Variants in UXS1 observed in about 807,000 individuals in gnomAD.
UXS1 encodes UDP-glucuronate decarboxylase 1.
A neutral mutation model predicts 62.6 loss-of-function variants in UXS1; 33 were observed. The ratio of observed to expected loss-of-function variants is 0.53; its 90% CI spans 0.40 to 0.70. The LOEUF (loss-of-function observed/expected upper bound fraction) is 0.70, where lower values mean the gene tolerates loss of function less well. Among genes scored for constraint, UXS1 ranks in the 30% least tolerant of loss-of-function variants. UXS1 has a pLI of 0.00. For synonymous variants in UXS1, 213 were observed against 206.8 expected, an observed-to-expected ratio of 1.03 and a Z score of -0.26; for missense variants, 434 against 556.3, an observed-to-expected ratio of 0.78 and a Z score of 2.21.
intron 7 of UXS1, among the ~76,000 whole-genome samples, chr2:106,127,894 C>T (rs974435312): frequency 6.6e-6 from 1 of 152,310 alleles, no homozygotes; most frequent in South Asian, 2.1e-4. Context: ...TTAACTCTAA[C>T]AGCACTTTGC....
At chr2:106,152,142 T>C (rs576121300) in intron 5 of UXS1, among the ~76,000 whole-genome samples, 7 of 152,310 alleles carry the variant, frequency 4.6e-5, no homozygotes, top group African/African-American at 1.7e-4. Context: ...TAAAAGTCTC[T>C]GGAAATTGTG....
At chr2:106,173,415 A>G (rs1026806657) in intron 1 of UXS1, among the ~76,000 whole-genome samples, 46 of 152,176 alleles carry the variant, frequency 3.0e-4, no homozygotes, top group African/African-American at 1.0e-3. Flanking sequence ...TTAGCTGGGC[A>G]TGGTGGCACA....
intron 6 of UXS1, among the ~76,000 whole-genome samples, chr2:106,140,277 T>C (rs376220823): frequency 1.0e-3 from 153 of 152,290 alleles, no homozygotes; most frequent in Admixed American, 2.5e-3. Flanking sequence ...GAAAGAATTT[T>C]CAGTGTCCTA....
rs1679632113 is a variant in UXS1, at chr2:106,122,874, A to G, written c.759+96T>C. 14 of 1,508,986 alleles carry G rather than the reference A, an allele frequency of 9.3e-6. 1 individual carries two copies. The South Asian group carries it at 1.8e-4, about 20-fold the overall frequency. The allele number at this position is 1,508,986 out of a possible 1,614,324, so 93.5% of individuals were successfully genotyped here. Reference sequence around the variant, plus strand: ...CTTCCCAAACACCTATCCCCAGACAAAATCAGTCATGGCATTCATTCCTTT... The same window carrying G: ...CTTCCCAAACACCTATCCCCAGACAGAATCAGTCATGGCATTCATTCCTTT... On this transcript the variant is annotated intron_variant, in intron 9 of 14. Coordinates refer to ENST00000283148, the MANE Select transcript of UXS1 (RefSeq NM_001253875.2).
chr2:106,193,984 G>A (rs897596501), intron 1 of UXS1, among the ~76,000 whole-genome samples, 164 bp downstream of exon 1: 10 of 151,936 alleles, frequency 6.6e-5, no homozygotes, highest in African/African-American at 2.4e-4. Context: ...CCGCTTTGCT[G>A]CAAGAGTGGA....
rs138705591 is a variant in UXS1, at chr2:106,162,839, G to A, written c.230+828C>T. On this transcript the variant is annotated intron_variant, in intron 4 of 14. Transcript: ENST00000283148. ...CTCTTCTCCAGTCGTATTTCCCTTC[G>A]ATCATTTAATGAAAATCAAAGGAAA... 6.3e-3 allele frequency among the ~76,000 whole-genome samples: 952 copies of A among 152,194 alleles called. 11 individuals are homozygous for A. Among genetic ancestry groups the A allele is most frequent in the African/African-American group, 0.021 (875 of 41,514 alleles).
chr2:106,194,083 G>A lies in UXS1; in HGVS notation c.94+65C>T, dbSNP rs1573611771. On this transcript the variant is annotated intron_variant, in intron 1 of 14. Transcript: ENST00000283148. The stretch of plus-strand genomic sequence containing the variant: ...CGCCTCGGGGCCCCGAACCACCGCC[G>A]CCCGGCCCACCGCGGCGCCGGGGAA... The A allele has an allele frequency of 5.3e-6, 7 of 1,311,138 alleles. No homozygotes were observed. In the East Asian group the frequency reaches 1.8e-4, roughly 34 times the overall value. The allele number at this position is 1,311,138 out of a possible 1,614,324, so 81.2% of individuals were successfully genotyped here. A position where few individuals can be genotyped will look rare whatever the true frequency, so the allele number is the denominator to read the frequency against.
chr2:106,180,613 C>G (rs1448578219), intron 1 of UXS1, among the ~76,000 whole-genome samples: 4 of 152,208 alleles, frequency 2.6e-5, no homozygotes, highest in Non-Finnish European at 5.9e-5. Context: ...AACTTGGAAA[C>G]ACGTTGCACT....
intron 12 of UXS1, chr2:106,100,820 G>T: frequency 1.9e-6 from 1 of 527,472 alleles, no homozygotes; most frequent in South Asian, 2.6e-5. Flanking sequence ...TTAGACCCAG[G>T]CCCTTCAGAA....
chr2:106,117,874 G>A (rs948620393), intron 9 of UXS1, among the ~76,000 whole-genome samples: 4 of 152,264 alleles, frequency 2.6e-5, no homozygotes, highest in African/African-American at 9.6e-5. Context: ...TCACTGTGCT[G>A]AAGCACGATT....
intron 7 of UXS1, among the ~76,000 whole-genome samples, chr2:106,126,204 A>T (rs4851926): frequency 7.2e-5 from 11 of 151,960 alleles, no homozygotes; most frequent in African/African-American, 2.7e-4. Context: ...ACATTCCTCA[A>T]TTCTGCTCTG....
At chr2:106,149,797 T>C (rs1573514784) in intron 5 of UXS1, among the ~76,000 whole-genome samples, 1 of 152,058 alleles carries the variant, frequency 6.6e-6, no homozygotes, top group Admixed American at 6.5e-5. Flanking sequence ...AATCTGGAGG[T>C]GCATGCTAGA....
At chr2:106,121,431 A>C (rs982133877) in intron 9 of UXS1, among the ~76,000 whole-genome samples, 6 of 152,244 alleles carry the variant, frequency 3.9e-5, no homozygotes, top group African/African-American at 1.4e-4. Context: ...AAGAAATACA[A>C]TCATAGGACT....
chr2:106,147,957 GATGGGTGAGACCAGGCATCCTC>G (rs1681703406), intron 5 of UXS1, among the ~76,000 whole-genome samples: 1 of 152,184 alleles, frequency 6.6e-6, no homozygotes, highest in Admixed American at 6.5e-5. Context: ...GTTAAGACAG[GATGGGTGAGACCAGGCATCCTC>G]ATGCTCGATA....
At chr2:106,168,164 G>C (rs1336510216) in intron 1 of UXS1, among the ~76,000 whole-genome samples, 2 of 151,952 alleles carry the variant, frequency 1.3e-5, no homozygotes, top group Non-Finnish European at 2.9e-5. Context: ...TCCGTCTCAA[G>C]AACAAAAAAG....
chr2:106,117,734 T>C (rs1484926030), intron 9 of UXS1, among the ~76,000 whole-genome samples: 1 of 152,108 alleles, frequency 6.6e-6, no homozygotes, highest in African/African-American at 2.4e-5. Flanking sequence ...TATATGCACA[T>C]CCCTAAAGCA....
intron 5 of UXS1, among the ~76,000 whole-genome samples, chr2:106,146,900 C>G (rs907848597): frequency 1.3e-5 from 2 of 151,820 alleles, no homozygotes; most frequent in African/African-American, 4.8e-5. Flanking sequence ...CATGCCTGTA[C>G]CCAACACTTT....
At position 106,128,937 on chromosome 2, in the gene UXS1, C is replaced by G. The variant is rs575685995; in HGVS notation, c.577+737G>C. Among the ~76,000 whole-genome samples, 8 of 152,316 alleles carry G rather than the reference C, an allele frequency of 5.3e-5. No individual in the cohort carries two copies. The South Asian group carries it at 1.7e-3, about 32-fold the overall frequency. On this transcript the variant is annotated intron_variant, in intron 7 of 14. Coordinates refer to ENST00000283148, the MANE Select transcript of UXS1 (RefSeq NM_001253875.2). ...TATACTTAAATCCATCATTTACTTG[C>G]CATTTTTAAAAGTGGTTCCTTTCTT...
intron 9 of UXS1, 150 bp downstream of exon 9, chr2:106,122,819 AC>A (rs1408769860): frequency 3.0e-6 from 3 of 993,002 alleles, no homozygotes; most frequent in African/African-American, 3.3e-5. Context: ...TGTTGATAAT[AC>A]CATTAATTTA....
Sources: gnomAD v4.1 joint callset for allele counts (sites outside exome capture counted in the v4.1 genomes callset) on GRCh38, gnomAD v4.1.1 for gene constraint, MANE v1.5 for transcripts, NCBI Gene and HGNC (gene_info 2026-07-23, HGNC 2026-07-21) for gene names.